The following MED13 variants were observed in gnomAD, a reference collection of about 807,000 sequenced individuals.
MED13 encodes the protein mediator complex subunit 13, also known as mediator of RNA polymerase II transcription subunit 13.
MED13 carries 23 observed loss-of-function variants against 225.2 expected under a neutral mutation model. The ratio of observed to expected loss-of-function variants is 0.10; its 90% CI spans 0.07 to 0.14. The LOEUF is 0.14. Among genes scored for constraint, MED13 ranks in the 10% least tolerant of loss-of-function variants. The probability of loss-of-function intolerance (pLI) is 1.00; values close to 1 mark genes in which losing one functional copy is unlikely to be tolerated. For synonymous variants in MED13, 942 were observed against 889.2 expected (o/e 1.06, Z -1.06); for missense variants, 2,197 against 2,594.5 (o/e 0.85, Z 3.33).
rs1337574844 is a variant in MED13, at chr17:61,946,960, G to A, written c.6349C>T (p.His2117Tyr). The change falls in exon 29 of 30, where the codon CAC becomes TAC. Residue 2117 changes from histidine to tyrosine, a missense_variant. Around this residue, in one of 12 missense-constraint regions of MED13, gnomAD observed 216 missense variants for 388.9 expected, o/e 0.56. Coordinates refer to ENST00000397786, the MANE Select transcript of MED13 (RefSeq NM_005121.3). ...TGATTTGAGTCAAGTGGGTGGGAGT[G>A]TTTACTGTGAAGCAGCTCGTCAGAT... Reference protein sequence around the residue: ...VQSDELLHSKHSHPLDSNQTS... With the variant: ...VQSDELLHSKYSHPLDSNQTS... The A allele has an allele frequency of 6.2e-7, 1 of 1,614,110 alleles. No individual in the cohort carries two copies. Among genetic ancestry groups the A allele is most frequent in the South Asian group, 1.1e-5 (1 of 91,084 alleles).
At chr17:62,015,462 A>C (rs983081721) in intron 8 of MED13, among the ~76,000 whole-genome samples, 1 of 152,218 alleles carries the variant, frequency 6.6e-6, no homozygotes, top group Non-Finnish European at 1.5e-5. Flanking sequence ...AAGTTGCAGA[A>C]ATACAGCATG....
rs149280651 is a variant in MED13, at chr17:61,994,120, T to G, written c.2181+1032A>C. Among the ~76,000 whole-genome samples the G allele has an allele frequency of 6.1e-3, 933 of 152,048 alleles. 11 individuals are homozygous for G. The highest frequency in any genetic ancestry group is 0.021 in the African/African-American group (862 of 41,458). On this transcript the variant is annotated intron_variant, in intron 10 of 29. Transcript: ENST00000397786. ...TTCAAGCGATTCTCCTGTGTCAGCC[T>G]CCTGAGTAGCTGGGACTACAGGCGC...
chr17:61,946,465 A>C lies in MED13; in HGVS notation c.*3T>G, dbSNP rs2079852589. 1.9e-6 allele frequency: 3 copies of C among 1,611,122 alleles called. No individual in the cohort carries two copies. Among genetic ancestry groups the C allele is most frequent in the East Asian group, 2.2e-5 (1 of 44,866 alleles). On this transcript the variant is annotated 3_prime_UTR_variant, in exon 30 of 30. Coordinates refer to ENST00000397786, the MANE Select transcript of MED13 (RefSeq NM_005121.3). The stretch of plus-strand genomic sequence containing the variant: ...TTTCTTGCACAGTTCCATCAAATGA[A>C]GATCACAGCATATTCATAATAAAGT...
At position 61,982,842 on chromosome 17, in the gene MED13, A is replaced by C. The variant is rs1335500401; in HGVS notation, c.3161T>G (p.Leu1054Arg). Residue 1054 changes from leucine to arginine, a missense_variant, in exon 16 of 30, where the codon CTT (leucine) becomes CGT (arginine). Transcript: ENST00000397786. ...PASTPSTCRP[L>R]NSVEPATVPS... ...GACAGTTGCAGGTTCAACAGAATTAAGGGGTCTGCATGTAGATGGGGTAGA... is the reference window on the plus strand; with the variant it reads ...GACAGTTGCAGGTTCAACAGAATTACGGGGTCTGCATGTAGATGGGGTAGA... 1.2e-6 allele frequency: 2 copies of C among 1,614,112 alleles called. No individual in the cohort carries two copies. The highest frequency in any genetic ancestry group is 3.3e-5 in the Admixed American group (2 of 60,000).
intron 8 of MED13, among the ~76,000 whole-genome samples, chr17:62,026,778 CCCTATATACCAACAACAGCCAAGATGAGA>C (rs2080706689): frequency 1.3e-5 from 2 of 152,012 alleles, no homozygotes; most frequent in South Asian, 4.1e-4. Flanking sequence ...TCACTAGCAT[CCCTATATACCAACAACAGCCAAGATGAGA>C]GCCAAATCAG....
intron 11 of MED13, 63 bp downstream of exon 11, chr17:61,992,477 T>A: frequency 1.0e-6 from 1 of 970,324 alleles, no homozygotes; most frequent in Non-Finnish European, 1.6e-6. Context: ...TCCAACAATA[T>A]CAGATCAGTC....
intron 12 of MED13, among the ~76,000 whole-genome samples, chr17:61,986,458 CTTTAA>C (rs2080248625): frequency 1.3e-5 from 2 of 152,106 alleles, no homozygotes; most frequent in African/African-American, 2.4e-5. Context: ...TCATTTTAAG[CTTTAA>C]TTTCTTTTAT....
chr17:62,023,042 C>T (rs1030834853), intron 8 of MED13, among the ~76,000 whole-genome samples: 1 of 152,018 alleles, frequency 6.6e-6, no homozygotes, highest in Non-Finnish European at 1.5e-5. Context: ...GAGGAGAATA[C>T]ATAAAATTAA....
intron 9 of MED13, among the ~76,000 whole-genome samples, chr17:62,002,913 G>T (rs144950954): frequency 2.0e-5 from 3 of 152,104 alleles, no homozygotes; most frequent in African/African-American, 7.2e-5. Flanking sequence ...CTAACACTTC[G>T]AGCTGGATAA....
At chr17:61,968,918 A>G (rs1254709725) in intron 17 of MED13, among the ~76,000 whole-genome samples, 1 of 151,964 alleles carries the variant, frequency 6.6e-6, no homozygotes, top group African/African-American at 2.4e-5. Context: ...TGCTTAGCTA[A>G]TTTTTAAAGT....
chr17:62,027,660 G>C (rs1567987402), intron 8 of MED13, among the ~76,000 whole-genome samples: 1 of 152,092 alleles, frequency 6.6e-6, no homozygotes. Context: ...CATAATGGGA[G>C]AAAAGTTTTG....
intron 3 of MED13, among the ~76,000 whole-genome samples, chr17:62,038,775 C>G (rs543198614): frequency 6.6e-6 from 1 of 152,104 alleles, no homozygotes; most frequent in East Asian, 1.9e-4. Flanking sequence ...GAAATCCTCC[C>G]ATCTCACCCT....
In MED13 at chr17:61,976,016, C is replaced by CA. The variant is rs143566475; in HGVS notation, c.3806-3129dup. Reference sequence around the variant, plus strand: ...GGGCAACAAGAGCGAGACTCCGTCTCAAAAAAAAAATAAATAAATAAAGAT... The same window carrying CA: ...GGGCAACAAGAGCGAGACTCCGTCTCAAAAAAAAAAATAAATAAATAAAGAT... On this transcript the variant is annotated intron_variant, in intron 16 of 29. Coordinates refer to ENST00000397786, the MANE Select transcript of MED13 (RefSeq NM_005121.3). 9.4e-3 allele frequency among the ~76,000 whole-genome samples: 1,362 copies of CA among 145,426 alleles called. 10 individuals are homozygous for CA. Among genetic ancestry groups the CA allele is most frequent in the South Asian group, 0.024 (112 of 4,640 alleles).
At chr17:62,047,695 A>G (rs570875803) in intron 3 of MED13, among the ~76,000 whole-genome samples, 14 of 152,146 alleles carry the variant, frequency 9.2e-5, no homozygotes, top group Non-Finnish European at 1.8e-4. Flanking sequence ...CGTTCTGCAC[A>G]TGTATTGCAG....
chr17:62,029,596 C>T lies in MED13; in HGVS notation c.1228G>A (p.Val410Met), dbSNP rs751237814. Residue 410 changes from valine (V) to methionine (M), a missense_variant, in exon 8 of 30, where the codon GTG becomes ATG. Physicochemically the swap from Val to Met is conservative, Grantham distance 21. This residue lies in a region of MED13 where 884 missense variants were observed against 918.5 expected (regional missense o/e 0.96). Coordinates refer to ENST00000397786, the MANE Select transcript of MED13 (RefSeq NM_005121.3). ...GLCEEATAAK[V>M]ASWDFVEATQ... ...GCTTCAACAAAATCCCAGGATGCCA[C>T]TTTAGCAGCTGTCGCTTCTTCGCAT... The T allele has an allele frequency of 5.6e-6, 9 of 1,614,060 alleles. No homozygotes were observed. Among genetic ancestry groups the T allele is most frequent in the Admixed American group, 1.7e-5 (1 of 60,004 alleles).
chr17:62,054,614 C>CA (rs1387605218), intron 2 of MED13, among the ~76,000 whole-genome samples: 2 of 151,728 alleles, frequency 1.3e-5, no homozygotes, highest in African/African-American at 4.8e-5. Flanking sequence ...GAGTTGATGA[C>CA]AAAAAAAGAG....
chr17:62,047,317 G>C (rs536422308), intron 3 of MED13, among the ~76,000 whole-genome samples: 16 of 152,276 alleles, frequency 1.1e-4, no homozygotes, highest in African/African-American at 3.6e-4. Context: ...GTTGCAGTGA[G>C]CTGAAATCAT....
intron 17 of MED13, among the ~76,000 whole-genome samples, chr17:61,970,543 TG>T (rs1377632423): frequency 5.9e-5 from 9 of 151,828 alleles, no homozygotes; most frequent in Non-Finnish European, 1.3e-4. Context: ...TAGCCAGGTG[TG>T]GTTAATGCAT....
intron 8 of MED13, among the ~76,000 whole-genome samples, 153 bp from the exon 9 acceptor site, chr17:62,011,386 A>G (rs1042044446): frequency 1.3e-5 from 2 of 152,220 alleles, no homozygotes; most frequent in African/African-American, 4.8e-5. Context: ...GGAAAAAAAT[A>G]CTTTGCTCGT....
Sources: allele counts gnomAD v4.1 joint callset (sites outside exome capture counted in the v4.1 genomes callset), GRCh38; gene constraint gnomAD v4.1.1; regional missense constraint gnomAD v4.1.1; transcripts MANE v1.5; gene names NCBI Gene and HGNC (gene_info 2026-07-23, HGNC 2026-07-21).